The following BNIP1 variants were observed in gnomAD, a reference collection of about 807,000 sequenced individuals.
BNIP1 encodes the protein BCL2 interacting protein 1.
BNIP1 carries 25 observed loss-of-function variants against 28.5 expected under a neutral mutation model. The observed-to-expected ratio is 0.88, with a 90% CI of 0.64 to 1.23. The LOEUF (loss-of-function observed/expected upper bound fraction) is 1.23, where lower values mean the gene tolerates loss of function less well. Ranked by LOEUF, BNIP1 falls within the 50% of genes most tolerant of loss-of-function variation. BNIP1 has a pLI of 0.00. For missense variants in BNIP1, 276 were observed against 277.0 expected (o/e 1.00, Z 0.02); for synonymous variants, 118 against 101.7 (o/e 1.16, Z -0.96).
At chr5:173,162,503 C>G (rs533301167) in intron 5 of BNIP1, among the ~76,000 whole-genome samples, 6 of 152,192 alleles carry the variant, frequency 3.9e-5, no homozygotes, top group Non-Finnish European at 7.4e-5. Context: ...GTGGTGCATG[C>G]CTGTAGTCCC....
At chr5:173,162,364 C>T (rs189473437) in intron 5 of BNIP1, among the ~76,000 whole-genome samples, 10 of 152,190 alleles carry the variant, frequency 6.6e-5, no homozygotes, top group Admixed American at 1.3e-4. Flanking sequence ...TGGCTCATGC[C>T]GGTAATCCCA....
chr5:173,158,545 G>A (rs757819582), intron 3 of BNIP1, among the ~76,000 whole-genome samples, 199 bp from the exon 4 acceptor site: 14 of 152,240 alleles, frequency 9.2e-5, no homozygotes, highest in Admixed American at 3.3e-4. Flanking sequence ...TCCAGGGTCC[G>A]GTCAAGGGGT....
At chr5:173,145,780 G>A (rs1759817884) in intron 1 of BNIP1, among the ~76,000 whole-genome samples, 1 of 152,178 alleles carries the variant, frequency 6.6e-6, no homozygotes, top group Non-Finnish European at 1.5e-5. Flanking sequence ...TTGTAACAAG[G>A]TGTGGCAAAA....
At chr5:173,158,432 G>C (rs771357125) in intron 3 of BNIP1, among the ~76,000 whole-genome samples, 2 of 152,244 alleles carry the variant, frequency 1.3e-5, no homozygotes, top group African/African-American at 2.4e-5. Context: ...ATGCCTCCCT[G>C]AAGTCCAGCC....
At position 173,144,557 on chromosome 5, in the gene BNIP1, C is replaced by T. The variant is rs766327978; in HGVS notation, c.12C>T (p.Pro4=). 1.5e-5 allele frequency: 24 copies of T among 1,614,132 alleles called. No homozygotes were observed. The highest frequency in any genetic ancestry group is 1.9e-5 in the Non-Finnish European group (23 of 1,179,974). Residue 4 remains proline, a synonymous_variant, in exon 1 of 6, where the codon CCC becomes CCT. Coordinates refer to ENST00000351486, the MANE Select transcript of BNIP1 (RefSeq NM_001205.3). ...CCGGCGTCCCCAACATGGCGGCTCCCCAAGACGTCCACGTCCGGATCTGTA... is the reference window on the plus strand; with the variant it reads ...CCGGCGTCCCCAACATGGCGGCTCCTCAAGACGTCCACGTCCGGATCTGTA... MAA[P]QDVHVRICNQ... is the part of the protein sequence containing the mutation.
chr5:173,162,483 G>C (rs2113863704), intron 5 of BNIP1, among the ~76,000 whole-genome samples: 1 of 152,232 alleles, frequency 6.6e-6, no homozygotes, highest in East Asian at 1.9e-4. Context: ...AAGAAAATTA[G>C]CTGGGCGTGG....
At position 173,163,956 on chromosome 5, in the gene BNIP1, C is replaced by A; in HGVS notation, c.*35C>A. On this transcript the variant is annotated 3_prime_UTR_variant, in exon 6 of 6. Transcript: ENST00000351486. The stretch of plus-strand genomic sequence containing the variant: ...GGTGCCAGTTCTGGCCCTTTCAGCT[C>A]CTGTTTCAGGATCTGTCCTGGTTCC... The A allele has an allele frequency of 6.4e-7, 1 of 1,551,976 alleles. No individual in the cohort carries two copies. Among genetic ancestry groups the A allele is most frequent in the Non-Finnish European group, 8.7e-7 (1 of 1,147,102 alleles).
chr5:173,148,083 AATATATATAT>A (rs70984952), intron 2 of BNIP1, among the ~76,000 whole-genome samples: 80 of 40,234 alleles, frequency 2.0e-3, no homozygotes, highest in South Asian at 6.4e-3. Flanking sequence ...AAAAAAAAAA[AATATATATAT>A]ATATATATAT....
In BNIP1 at chr5:173,158,666, G is replaced by T; in HGVS notation, c.270-78G>T. Reference sequence around the variant, plus strand: ...TGGCCTTCTCCCGTGTGCCTTTGTTGGGGGGAAGTGCTGTGAATTGAACTG... The same window carrying T: ...TGGCCTTCTCCCGTGTGCCTTTGTTTGGGGGAAGTGCTGTGAATTGAACTG... On this transcript the variant is annotated intron_variant, in intron 3 of 5. Coordinates refer to ENST00000351486, the MANE Select transcript of BNIP1 (RefSeq NM_001205.3). 2.6e-6 allele frequency: 3 copies of T among 1,170,310 alleles called. No individual in the cohort carries two copies. The South Asian group carries it at 4.3e-5, about 17-fold the overall frequency. The allele number at this position is 1,170,310 out of a possible 1,614,324, so 72.5% of individuals were successfully genotyped here.
At chr5:173,159,737 A>G (rs1760307308) in intron 4 of BNIP1, among the ~76,000 whole-genome samples, 196 bp from the exon 5 acceptor site, 1 of 152,250 alleles carries the variant, frequency 6.6e-6, no homozygotes, top group African/African-American at 2.4e-5. Flanking sequence ...TACAGAAGGC[A>G]GCACTGGTTT....
intron 3 of BNIP1, 25 bp downstream of exon 3, chr5:173,154,438 C>CAGAAGCCGCTGGCG: frequency 6.3e-7 from 1 of 1,587,268 alleles, no homozygotes; most frequent in Non-Finnish European, 8.6e-7. Flanking sequence ...CCCCCGCCAG[C>CAGAAGCCGCTGGCG]GGCTTCTGCT....
At chr5:173,160,315 A>G (rs1295367472) in intron 5 of BNIP1, among the ~76,000 whole-genome samples, 1 of 149,982 alleles carries the variant, frequency 6.7e-6, no homozygotes, top group Non-Finnish European at 1.5e-5. Flanking sequence ...GCTCACCGCA[A>G]CCTCTGCCTC....
chr5:173,163,856 G>C lies in BNIP1; in HGVS notation c.622G>C (p.Ala208Pro). 6.2e-7 allele frequency: 1 copy of C among 1,613,908 alleles called. No individual in the cohort carries two copies. The highest frequency in any genetic ancestry group is 8.5e-7 in the Non-Finnish European group (1 of 1,179,942). Residue 208 changes from alanine (A) to proline (P), a missense_variant, in exon 6 of 6, where the codon GCG (alanine) becomes CCG (proline). Physicochemically the swap from Ala to Pro is conservative, Grantham distance 27 (BLOSUM62 -1). Coordinates refer to ENST00000351486, the MANE Select transcript of BNIP1 (RefSeq NM_001205.3). ...GACGGACAAGCTTCTCATCTTCCTT[G>C]CGCTAGCCCTGTTTCTTGCTACGGT... The part of the protein sequence containing the change: ...ELTDKLLIFL[A>P]LALFLATVLY...
In BNIP1 at chr5:173,164,038, C is replaced by T; in HGVS notation, c.*117C>T. Reference sequence around the variant, plus strand: ...CCCCTCCGTTTGCACCAGTTGCCTGCAGGTTGGATGGAACACAGTGCCCCA... The same window carrying T: ...CCCCTCCGTTTGCACCAGTTGCCTGTAGGTTGGATGGAACACAGTGCCCCA... On this transcript the variant is annotated 3_prime_UTR_variant, in exon 6 of 6. Coordinates refer to ENST00000351486, the MANE Select transcript of BNIP1 (RefSeq NM_001205.3). This position sits in a 1 kb window ranked among gnomAD's most constrained non-coding sequence, Gnocchi z 4.0. 1 of 1,091,208 alleles carries T rather than the reference C, an allele frequency of 9.2e-7. No homozygotes were observed. The highest frequency in any genetic ancestry group is 1.3e-6 in the Non-Finnish European group (1 of 779,312). 67.6% of individuals were successfully genotyped at this position (1,091,208 alleles called of 1,614,324 possible). A position where few individuals can be genotyped will look rare whatever the true frequency, so the allele number is the denominator to read the frequency against.
At chr5:173,159,214 T>G (rs1277832079) in intron 4 of BNIP1, among the ~76,000 whole-genome samples, 3 of 152,094 alleles carry the variant, frequency 2.0e-5, no homozygotes, top group Admixed American at 6.5e-5. Context: ...ATTTTTTGTA[T>G]TTTTAGTAGA....
In BNIP1 at chr5:173,148,133, TA is replaced by T. The variant is rs1244746383; in HGVS notation, c.177+1176del. Among the ~76,000 whole-genome samples the T allele has an allele frequency of 1.0e-4, 11 of 108,422 alleles. No homozygotes were observed. The South Asian group carries it at 1.6e-3, about 16-fold the overall frequency. The allele number at this position is 108,422 out of a possible 152,430, so 71.1% of individuals were successfully genotyped here. On this transcript the variant is annotated intron_variant, in intron 2 of 5. Transcript: ENST00000351486. ...ATATATATATATATATATATATATA[TA>T]TATTTTAATAGAGATGGATTTTTTG...
intron 2 of BNIP1, among the ~76,000 whole-genome samples, chr5:173,153,481 C>G (rs1208721581): frequency 2.0e-5 from 3 of 152,162 alleles, no homozygotes; most frequent in Admixed American, 6.5e-5. Flanking sequence ...CCCGCCTCGG[C>G]CTCCCAAAGT....
At chr5:173,149,013 G>A (rs542814784) in intron 2 of BNIP1, among the ~76,000 whole-genome samples, 28 of 152,252 alleles carry the variant, frequency 1.8e-4, no homozygotes, top group Non-Finnish European at 2.9e-4. Context: ...CAGAGAACTA[G>A]CACTTACTCT....
At chr5:173,158,633 G>A (rs1242819108) in intron 3 of BNIP1, 111 bp from the exon 4 acceptor site, 16 of 758,536 alleles carry the variant, frequency 2.1e-5, no homozygotes, top group Admixed American at 8.3e-5. Context: ...TCTGAAGGCC[G>A]TGCCTGGTGG....
Sources: allele counts gnomAD v4.1 joint callset (sites outside exome capture counted in the v4.1 genomes callset), GRCh38; gene constraint gnomAD v4.1.1; non-coding constraint Gnocchi (gnomAD v3.1); transcripts MANE v1.5; gene names NCBI Gene and HGNC (gene_info 2026-07-23, HGNC 2026-07-21).